TNFSF14: variants seen among roughly 807,000 people sequenced by gnomAD.
The protein encoded by TNFSF14 is tumor necrosis factor ligand superfamily member 14.
In TNFSF14, 15 loss-of-function variants were observed where a neutral mutation model predicts 22.7. That is an observed-to-expected ratio of 0.66 (90% CI 0.44 to 1.02). TNFSF14 has a LOEUF of 1.02. Among genes scored for constraint, TNFSF14 ranks in the 50% least tolerant of loss-of-function variants. The pLI, the probability that TNFSF14 is intolerant of heterozygous loss-of-function variation, is 0.00. For synonymous variants in TNFSF14, 133 were observed against 139.6 expected, an observed-to-expected ratio of 0.95 and a Z score of 0.33; for missense variants, 287 against 326.2, an observed-to-expected ratio of 0.88 and a Z score of 0.93.
chr19:6,665,311 A>G lies in TNFSF14; in HGVS notation c.338T>C (p.Leu113Ser), dbSNP rs1917383193. The change falls in exon 4 of 4, where the codon TTA becomes TCA. Residue 113 changes from leucine (L) to serine (S), a missense_variant. Leu to Ser is a moderately radical substitution (Grantham distance 145). Transcript: ENST00000675206. ...SSLTGSGGPL[L>S]WETQLGLAFL... ...GGCCAGGCCCAGCTGAGTCTCCCAT[A>G]ACAGCGGCCCCCCGCTGCCGGTCAA... 6.2e-7 allele frequency: 1 copy of G among 1,607,218 alleles called. No homozygotes were observed. The highest frequency in any genetic ancestry group is 8.5e-7 in the Non-Finnish European group (1 of 1,177,124).
chr19:6,668,432 G>A (rs1303289008), intron 1 of TNFSF14, among the ~76,000 whole-genome samples: 1 of 152,040 alleles, frequency 6.6e-6, no homozygotes, highest in African/African-American at 2.4e-5. Context: ...AAGGCCAGGC[G>A]TGGTGGCTCA....
chr19:6,669,111 C>A (rs1259281649), intron 1 of TNFSF14, among the ~76,000 whole-genome samples: 3 of 152,186 alleles, frequency 2.0e-5, no homozygotes, highest in Non-Finnish European at 2.9e-5. Flanking sequence ...ACATCCACAG[C>A]CAGCTGGAAG....
Position 6,664,924 on chromosome 19 carries a change from C to G in TNFSF14, c.*2G>C. 1 of 1,583,496 alleles carries G rather than the reference C, an allele frequency of 6.3e-7. No individual in the cohort carries two copies. Among genetic ancestry groups the G allele is most frequent in the Non-Finnish European group, 8.6e-7 (1 of 1,160,100 alleles). On this transcript the variant is annotated 3_prime_UTR_variant, in exon 4 of 4. Coordinates refer to ENST00000675206, the MANE Select transcript of TNFSF14 (RefSeq NM_001376887.1). The surrounding 1 kb of genome is among the most constrained non-coding windows in gnomAD (Gnocchi z 4.7). ...CATGTCCAATGCACCACGCTCCTTCCTTCACACCATGAAAGCCCCGAAGTA... is the reference window on the plus strand; with the variant it reads ...CATGTCCAATGCACCACGCTCCTTCGTTCACACCATGAAAGCCCCGAAGTA...
Position 6,665,233 on chromosome 19 carries a change from C to T in TNFSF14, c.416G>A (p.Gly139Asp), listed in dbSNP as rs1258424530. Residue 139 changes from glycine (G) to aspartate (D), a missense_variant, in exon 4 of 4, where the codon GGC (glycine) becomes GAC (aspartate). By Grantham distance (94) the Gly-to-Asp change is moderately conservative. Coordinates refer to ENST00000675206, the MANE Select transcript of TNFSF14 (RefSeq NM_001376887.1). The part of the protein sequence containing the change: ...HDGALVVTKA[G>D]YYYIYSKVQL... ...CACCTTGGAGTAGATGTAGTAGTAG[C>T]CAGCTTTGGTGACCACAAGGGCCCC... 6.2e-7 allele frequency: 1 copy of T among 1,614,080 alleles called. No individual in the cohort carries two copies. Among genetic ancestry groups the T allele is most frequent in the South Asian group, 1.1e-5 (1 of 91,078 alleles).
At position 6,661,525 on chromosome 19, in the gene TNFSF14, G is replaced by A. The variant is rs535510145; in HGVS notation, c.*3401C>T. On this transcript the variant is annotated 3_prime_UTR_variant, in exon 4 of 4. Transcript: ENST00000675206. ...GGGCTTTGGGTGCTATCAACCGGAC[G>A]AATTCCTGGGAATTGTGGATATAGC... 6 of 152,278 alleles carry A rather than the reference G, an allele frequency of 3.9e-5. No homozygotes were observed. Among genetic ancestry groups the A allele is most frequent in the South Asian group, 2.1e-4 (1 of 4,828 alleles). The allele number at this position is 152,278 out of a possible 1,614,324, so 9.4% of individuals were successfully genotyped here.
intron 3 of TNFSF14, among the ~76,000 whole-genome samples, chr19:6,665,557 C>T (rs959366010): frequency 6.6e-6 from 1 of 151,968 alleles, no homozygotes; most frequent in African/African-American, 2.4e-5. Flanking sequence ...TACAGGTGCC[C>T]GCCACCGCAC....
At chr19:6,667,588 A>C in intron 1 of TNFSF14, 139 bp from the exon 2 acceptor site, 66 of 869,856 alleles carry the variant, frequency 7.6e-5, no homozygotes, top group Non-Finnish European at 1.0e-4. Flanking sequence ...ACATACTCTC[A>C]CTTGCAGACA....
In TNFSF14 at chr19:6,664,648, A is replaced by C; in HGVS notation, c.*278T>G. On this transcript the variant is annotated 3_prime_UTR_variant, in exon 4 of 4. Transcript: ENST00000675206. The surrounding 1 kb of genome is among the most constrained non-coding windows in gnomAD (Gnocchi z 4.7). ...CCGCCTCCCGGGTTTAAGCAAAATT[A>C]TCCTGCCTCAGCCTCCTGAGTAGCT... 1 of 266,704 alleles carries C rather than the reference A, an allele frequency of 3.7e-6. No individual in the cohort carries two copies. 16.5% of individuals were successfully genotyped at this position (266,704 alleles called of 1,614,324 possible). A position where few individuals can be genotyped will look rare whatever the true frequency, so the allele number is the denominator to read the frequency against.
rs770323762 is a variant in TNFSF14 at position 6,669,983 on chromosome 19, C to T, written c.87G>A (p.Arg29=). 1.2e-6 allele frequency: 2 copies of T among 1,614,206 alleles called. No individual in the cohort carries two copies. Among genetic ancestry groups the T allele is most frequent in the Non-Finnish European group, 1.7e-6 (2 of 1,180,028 alleles). The change falls in exon 1 of 4, where the codon CGG becomes CGA. Residue 29 remains arginine (R), a synonymous_variant. Coordinates refer to ENST00000675206, the MANE Select transcript of TNFSF14 (RefSeq NM_001376887.1). ...IPFTRLGRSH[R]RQSCSVARVG... is the part of the protein sequence containing the mutation. ...CCCGGGCCACACTGCACGACTGTCT[C>T]CGGTGGCTTCGTCCCAGCCTCGTGA...
chr19:6,665,780 T>C (rs1328445478), intron 3 of TNFSF14, among the ~76,000 whole-genome samples: 2 of 131,428 alleles, frequency 1.5e-5, no homozygotes, highest in Admixed American at 1.5e-4. Context: ...TGTGTGCATG[T>C]GTGCGTGTGT....
intron 3 of TNFSF14, among the ~76,000 whole-genome samples, chr19:6,666,559 C>T (rs1202288142): frequency 6.6e-6 from 1 of 152,182 alleles, no homozygotes; most frequent in Non-Finnish European, 1.5e-5. Context: ...AAGCGTGTCA[C>T]AGCACATAAC....
Position 6,664,941 on chromosome 19 carries a change from C to T in TNFSF14, c.708G>A (p.Gly236=), listed in dbSNP as rs1397791492. ...RLRDGTRSYF[G]AFMV ...GCTCCTTCCTTCACACCATGAAAGC[C>T]CCGAAGTAAGACCGGGTACCATCAC... Residue 236 remains glycine (G), a synonymous_variant, in exon 4 of 4, where the codon GGG becomes GGA. Coordinates refer to ENST00000675206, the MANE Select transcript of TNFSF14 (RefSeq NM_001376887.1). The surrounding 1 kb of genome is among the most constrained non-coding windows in gnomAD (Gnocchi z 4.7). 1.9e-6 allele frequency: 3 copies of T among 1,595,204 alleles called. No individual in the cohort carries two copies. Among genetic ancestry groups the T allele is most frequent in the Non-Finnish European group, 2.6e-6 (3 of 1,166,650 alleles).
chr19:6,662,947 A>G lies in TNFSF14; in HGVS notation c.*1979T>C, dbSNP rs1917284251. The G allele has an allele frequency of 6.6e-6, 1 of 152,164 alleles. No homozygotes were observed. Among genetic ancestry groups the G allele is most frequent in the African/African-American group, 2.4e-5 (1 of 41,410 alleles). 9.4% of individuals were successfully genotyped at this position (152,164 alleles called of 1,614,324 possible). ...ACATTTCCTGCATGGACTTGAGCCA[A>G]CTGGGTCCAGGTTCCTCATCTGTAG... On this transcript the variant is annotated 3_prime_UTR_variant, in exon 4 of 4. Coordinates refer to ENST00000675206, the MANE Select transcript of TNFSF14 (RefSeq NM_001376887.1).
rs1206083818 is a variant in TNFSF14 at position 6,667,406 on chromosome 19, G to C, written c.256+7C>G. On this transcript the variant is annotated splice_region_variant and intron_variant, in intron 2 of 3. Coordinates refer to ENST00000675206, the MANE Select transcript of TNFSF14 (RefSeq NM_001376887.1). ...CCTCCTTCCCTGGGGCCAGGACCCT[G>C]ACTCACCTTGTATCAGCTGCTCCCA... 1 of 1,543,252 alleles carries C rather than the reference G, an allele frequency of 6.5e-7. No homozygotes were observed. Among genetic ancestry groups the C allele is most frequent in the East Asian group, 2.5e-5 (1 of 40,378 alleles).
At chr19:6,668,728 C>T (rs545109379) in intron 1 of TNFSF14, among the ~76,000 whole-genome samples, 3 of 151,948 alleles carry the variant, frequency 2.0e-5, no homozygotes, top group Non-Finnish European at 4.4e-5. Flanking sequence ...AAAATGCAGA[C>T]AGCGAGATGG....
chr19:6,664,646 T>G lies in TNFSF14; in HGVS notation c.*280A>C. Reference sequence around the variant, plus strand: ...CTCCGCCTCCCGGGTTTAAGCAAAATTATCCTGCCTCAGCCTCCTGAGTAG... The same window carrying G: ...CTCCGCCTCCCGGGTTTAAGCAAAAGTATCCTGCCTCAGCCTCCTGAGTAG... On this transcript the variant is annotated 3_prime_UTR_variant, in exon 4 of 4. Coordinates refer to ENST00000675206, the MANE Select transcript of TNFSF14 (RefSeq NM_001376887.1). This position sits in a 1 kb window ranked among gnomAD's most constrained non-coding sequence, Gnocchi z 4.7. 1 of 273,084 alleles carries G rather than the reference T, an allele frequency of 3.7e-6. No homozygotes were observed. Among genetic ancestry groups the G allele is most frequent in the South Asian group, 8.1e-5 (1 of 12,358 alleles). 16.9% of individuals were successfully genotyped at this position (273,084 alleles called of 1,614,324 possible). A position where few individuals can be genotyped will look rare whatever the true frequency, so the allele number is the denominator to read the frequency against.
chr19:6,668,525 G>C (rs1568203578), intron 1 of TNFSF14, among the ~76,000 whole-genome samples: 1 of 152,058 alleles, frequency 6.6e-6, no homozygotes, highest in Non-Finnish European at 1.5e-5. Context: ...GGCCAACATG[G>C]TGAAACCCCG....
chr19:6,668,149 G>A (rs1411611626), intron 1 of TNFSF14, among the ~76,000 whole-genome samples: 2 of 151,884 alleles, frequency 1.3e-5, no homozygotes, highest in Non-Finnish European at 1.5e-5. Flanking sequence ...ACAGCTTGAG[G>A]CCAGGAGTTT....
chr19:6,669,806 GCC>G (rs558248152), intron 1 of TNFSF14, 43 bp downstream of exon 1: 1 of 1,596,908 alleles, frequency 6.3e-7, no homozygotes, highest in African/African-American at 1.3e-5. Flanking sequence ...ACACAGGGGA[GCC>G]CCCCTCACCT....
Sources: allele counts gnomAD v4.1 joint callset (sites outside exome capture counted in the v4.1 genomes callset), GRCh38; gene constraint gnomAD v4.1.1; non-coding constraint Gnocchi (gnomAD v3.1); transcripts MANE v1.5; gene names NCBI Gene and HGNC (gene_info 2026-07-23, HGNC 2026-07-21).